CIRSR: variants seen among roughly 807,000 people sequenced by gnomAD.
CIRSR encodes the protein CBF1 (RBPJ) interacting corepressor 1.
At chr2:174,387,663 C>A in the CIRSR span, 2 of 1,565,730 alleles carry the variant, frequency 1.3e-6, no homozygotes, top group Non-Finnish European at 1.7e-6. Context: ...TCTAGATATA[C>A]TGGCATAACA....
chr2:174,359,352 A>G, the CIRSR span, among the ~76,000 whole-genome samples: 1 of 140,726 alleles, frequency 7.1e-6, no homozygotes, highest in Non-Finnish European at 1.6e-5. Flanking sequence ...AAAAAAAAAA[A>G]GAGATTTTAA....
the CIRSR span, among the ~76,000 whole-genome samples, chr2:174,392,295 C>T: frequency 3.3e-5 from 5 of 152,126 alleles, no homozygotes; most frequent in African/African-American, 9.7e-5. Flanking sequence ...CCATGCCCAG[C>T]GGGGGTTTCT....
the CIRSR span, among the ~76,000 whole-genome samples, chr2:174,390,674 T>A: frequency 3.5e-5 from 5 of 143,948 alleles, no homozygotes; most frequent in Non-Finnish European, 7.5e-5. Context: ...TGAATTGTAG[T>A]TCCCATAATC....
At chr2:174,348,738 G>C in the CIRSR span, 1 of 1,613,992 alleles carries the variant, frequency 6.2e-7, no homozygotes, top group Non-Finnish European at 8.5e-7. Flanking sequence ...CTTTCTTTCA[G>C]AGCCTCTCTT....
At chr2:174,379,000 T>A in the CIRSR span, 1 of 1,614,018 alleles carries the variant, frequency 6.2e-7, no homozygotes, top group South Asian at 1.1e-5. Context: ...TGTGTTGACA[T>A]GACCCCATTT....
chr2:174,382,008 T>C, the CIRSR span, among the ~76,000 whole-genome samples: 1 of 152,138 alleles, frequency 6.6e-6, no homozygotes, highest in African/African-American at 2.4e-5. Flanking sequence ...ACCTGAGAGA[T>C]CCTACCCATC....
chr2:174,389,443 C>T, the CIRSR span, among the ~76,000 whole-genome samples: 1 of 152,142 alleles, frequency 6.6e-6, no homozygotes, highest in Non-Finnish European at 1.5e-5. Flanking sequence ...ATCTGTGGAA[C>T]TTTGAACTTG....
chr2:174,353,413 A>G, the CIRSR span, among the ~76,000 whole-genome samples: 1 of 152,190 alleles, frequency 6.6e-6, no homozygotes, highest in Non-Finnish European at 1.5e-5. Context: ...TGAATTTTAA[A>G]TATTAATACT....
chr2:174,360,509 C>T, the CIRSR span, among the ~76,000 whole-genome samples: 1 of 152,132 alleles, frequency 6.6e-6, no homozygotes, highest in Non-Finnish European at 1.5e-5. Context: ...ACTGAGTGAA[C>T]TAAATTTCAT....
the CIRSR span, among the ~76,000 whole-genome samples, chr2:174,367,296 G>C: frequency 0.58 from 88,541 of 152,002 alleles, 28,439 homozygotes; most frequent in East Asian, 0.8. Flanking sequence ...AAATTAGCTG[G>C]GCATTGGGCG....
chr2:174,375,615 A>C, the CIRSR span, among the ~76,000 whole-genome samples: 1 of 152,192 alleles, frequency 6.6e-6, no homozygotes, highest in Admixed American at 6.5e-5. Flanking sequence ...CTCAAAAAAA[A>C]CCAAAAAACA....
the CIRSR span, among the ~76,000 whole-genome samples, chr2:174,352,205 T>TCACA: frequency 3.1e-4 from 46 of 150,370 alleles, no homozygotes; most frequent in African/African-American, 8.6e-4. Context: ...TGGTTGCTAA[T>TCACA]CACACACACA....
the CIRSR span, chr2:174,381,818 A>G: frequency 3.9e-6 from 3 of 762,286 alleles, no homozygotes; most frequent in Admixed American, 3.3e-5. Flanking sequence ...TATGTAGGAC[A>G]AAAAAAAAAA....
At chr2:174,390,689 CGTATCGTGGGA>C in the CIRSR span, among the ~76,000 whole-genome samples, 1 of 137,970 alleles carries the variant, frequency 7.2e-6, no homozygotes, top group Non-Finnish European at 1.5e-5. Flanking sequence ...ATAATCCCCG[CGTATCGTGGGA>C]GGAACCCGAT....
At chr2:174,361,176 A>G in the CIRSR span, among the ~76,000 whole-genome samples, 2 of 152,242 alleles carry the variant, frequency 1.3e-5, no homozygotes, top group Non-Finnish European at 1.5e-5. Context: ...ACTAGTTTCA[A>G]TATTTGCCTG....
At chr2:174,350,170 T>C in the CIRSR span, among the ~76,000 whole-genome samples, 4 of 94,666 alleles carry the variant, frequency 4.2e-5, no homozygotes, top group Non-Finnish European at 9.5e-5. Context: ...TTCTCAAAAC[T>C]CTACATACTG....
At chr2:174,394,383 A>G in the CIRSR span, among the ~76,000 whole-genome samples, 1 of 152,216 alleles carries the variant, frequency 6.6e-6, no homozygotes, top group African/African-American at 2.4e-5. Context: ...TGAGCCAACC[A>G]AATACAAGAA....
the CIRSR span, chr2:174,351,983 T>C: frequency 3.3e-6 from 1 of 299,922 alleles, no homozygotes. Context: ...AAGATACATT[T>C]AGATGTTATC....
chr2:174,357,259 TA>T, the CIRSR span, among the ~76,000 whole-genome samples: 1 of 152,220 alleles, frequency 6.6e-6, no homozygotes, highest in Non-Finnish European at 1.5e-5. Context: ...ATATTTCCTA[TA>T]AATTGGTAGT....
Sources: allele counts gnomAD v4.1 joint callset (sites outside exome capture counted in the v4.1 genomes callset), GRCh38; gene constraint gnomAD v4.1.1; transcripts MANE v1.5; gene names NCBI Gene and HGNC (gene_info 2026-07-23, HGNC 2026-07-21).